Variants in KCND2 observed in about 807,000 individuals in gnomAD.
KCND2 encodes potassium voltage-gated channel subfamily D member 2.
In KCND2, 16 loss-of-function variants were observed where a neutral mutation model predicts 54.4. The ratio of observed to expected loss-of-function variants is 0.29; its 90% CI spans 0.20 to 0.45. KCND2 has a LOEUF of 0.45. Ranked by LOEUF, KCND2 falls within the 20% of genes least tolerant of loss-of-function variation. The probability of loss-of-function intolerance (pLI) is 1.00; values close to 1 mark genes in which losing one functional copy is unlikely to be tolerated. For missense variants in KCND2, 486 were observed against 824.2 expected (o/e 0.59, Z 5.02); for synonymous variants, 317 against 310.7 (o/e 1.02, Z -0.21).
At chr7:120,698,493 T>C (rs1413167674) in intron 1 of KCND2, among the ~76,000 whole-genome samples, 1 of 152,200 alleles carries the variant, frequency 6.6e-6, no homozygotes, top group Non-Finnish European at 1.5e-5. Context: ...ATGATACATA[T>C]AAAACAGTAA....
At chr7:120,470,699 AAC>A (rs1802440615) in intron 1 of KCND2, among the ~76,000 whole-genome samples, 1 of 152,076 alleles carries the variant, frequency 6.6e-6, no homozygotes, top group Non-Finnish European at 1.5e-5. Flanking sequence ...AAGAATTAGT[AAC>A]TATTCTAGAA....
intron 1 of KCND2, among the ~76,000 whole-genome samples, chr7:120,612,353 T>C (rs1457615858): frequency 2.0e-5 from 3 of 152,252 alleles, no homozygotes; most frequent in Admixed American, 2.0e-4. Flanking sequence ...CACAACACTT[T>C]CATTTTATGT....
At chr7:120,410,694 C>A (rs960071237) in intron 1 of KCND2, among the ~76,000 whole-genome samples, 3 of 124,736 alleles carry the variant, frequency 2.4e-5, no homozygotes, top group East Asian at 5.8e-4. Context: ...TCTCCCACCC[C>A]CCTCCCCCTA....
chr7:120,579,047 T>A (rs1273340883), intron 1 of KCND2, among the ~76,000 whole-genome samples: 1 of 152,136 alleles, frequency 6.6e-6, no homozygotes, highest in Admixed American at 6.6e-5. Flanking sequence ...TCAAACACTT[T>A]AATAAGGAAG....
chr7:120,658,897 C>G (rs896191491), intron 1 of KCND2, among the ~76,000 whole-genome samples: 1 of 152,226 alleles, frequency 6.6e-6, no homozygotes, highest in East Asian at 1.9e-4. Flanking sequence ...TGGTCTATAC[C>G]GGCAGAACTG....
chr7:120,578,606 C>T (rs1463935142), intron 1 of KCND2, among the ~76,000 whole-genome samples: 3 of 152,142 alleles, frequency 2.0e-5, no homozygotes, highest in Non-Finnish European at 4.4e-5. Context: ...GTGGTTCACA[C>T]CTGTAATCTC....
rs574803947 is a variant in KCND2 at position 120,435,100 on chromosome 7, T to TTTAC, written c.1115+159356_1115+159357insCTTA. 6.9e-3 allele frequency among the ~76,000 whole-genome samples: 1,052 copies of TTTAC among 151,526 alleles called. 8 individuals carry two copies. The highest frequency in any genetic ancestry group is 0.013 in the South Asian group (61 of 4,798). On this transcript the variant is annotated intron_variant, in intron 1 of 5. Transcript: ENST00000331113. ...AATAACAAACAATAAATTTTATTTA[T>TTTAC]TTATTTATTTATTTATTTATTGAGA...
At chr7:120,677,774 G>T (rs1401859520) in intron 1 of KCND2, among the ~76,000 whole-genome samples, 1 of 151,904 alleles carries the variant, frequency 6.6e-6, no homozygotes, top group Non-Finnish European at 1.5e-5. Flanking sequence ...CTTTCAAAAT[G>T]CTGTTACTTC....
chr7:120,472,902 A>G (rs747447524), intron 1 of KCND2, among the ~76,000 whole-genome samples: 7 of 152,238 alleles, frequency 4.6e-5, no homozygotes, highest in Admixed American at 6.5e-5. Flanking sequence ...ATGAGGGACC[A>G]TGAAGAATTG....
chr7:120,451,018 C>T (rs78175618), intron 1 of KCND2, among the ~76,000 whole-genome samples: 1 of 152,270 alleles, frequency 6.6e-6, no homozygotes, highest in East Asian at 1.9e-4. Context: ...TCCTTCCTTC[C>T]CTTCTCCTAT....
chr7:120,688,688 T>C (rs1415426984), intron 1 of KCND2, among the ~76,000 whole-genome samples: 1 of 152,186 alleles, frequency 6.6e-6, no homozygotes, highest in East Asian at 1.9e-4. Context: ...ACCATGTCTA[T>C]CATCCTCAGT....
rs75086274 is a variant in KCND2, at chr7:120,678,168, C to T, written c.1116-54735C>T. The stretch of plus-strand genomic sequence containing the variant: ...CATCATAATGATTCTTGAACATAAA[C>T]TCTGAGATGGTTAGGGGGTTCTGAC... On this transcript the variant is annotated intron_variant, in intron 1 of 5. Coordinates refer to ENST00000331113, the MANE Select transcript of KCND2 (RefSeq NM_012281.3). Among the ~76,000 whole-genome samples, 1,350 of 150,854 alleles carry T rather than the reference C, an allele frequency of 8.9e-3. 16 individuals carry two copies. The highest frequency in any genetic ancestry group is 0.03 in the African/African-American group (1,229 of 40,614).
chr7:120,349,327 AACACACACACAC>A (rs145626165), intron 1 of KCND2, among the ~76,000 whole-genome samples: 1 of 144,464 alleles, frequency 6.9e-6, no homozygotes, highest in Non-Finnish European at 1.5e-5. Flanking sequence ...CACACACACA[AACACACACACAC>A]ACACACACAC....
At chr7:120,742,960 C>G (rs1297680330) in intron 4 of KCND2, among the ~76,000 whole-genome samples, 2 of 152,042 alleles carry the variant, frequency 1.3e-5, no homozygotes, top group African/African-American at 4.8e-5. Context: ...ATTAATGGTG[C>G]TCGAGGGTCC....
At chr7:120,543,445 T>C (rs1265570358) in intron 1 of KCND2, among the ~76,000 whole-genome samples, 1 of 152,110 alleles carries the variant, frequency 6.6e-6, no homozygotes, top group African/African-American at 2.4e-5. Flanking sequence ...TAGAATGATT[T>C]TCTCTGTCAC....
chr7:120,327,191 A>G (rs986325561), intron 1 of KCND2, among the ~76,000 whole-genome samples: 8 of 152,064 alleles, frequency 5.3e-5, no homozygotes, highest in African/African-American at 1.9e-4. Flanking sequence ...TCTAGAATTA[A>G]GAGTGTGAGT....
At chr7:120,300,943 G>C (rs1021195821) in intron 1 of KCND2, among the ~76,000 whole-genome samples, 1 of 152,028 alleles carries the variant, frequency 6.6e-6, no homozygotes, top group African/African-American at 2.4e-5. Context: ...CAGTTGTAAA[G>C]TATGATTTTT....
chr7:120,735,510 C>T (rs1792859451), intron 2 of KCND2, among the ~76,000 whole-genome samples: 1 of 151,986 alleles, frequency 6.6e-6, no homozygotes, highest in South Asian at 2.1e-4. Context: ...AACCAATTTC[C>T]CAAACACTTG....
chr7:120,299,486 C>T (rs1449744556), intron 1 of KCND2, among the ~76,000 whole-genome samples: 1 of 152,072 alleles, frequency 6.6e-6, no homozygotes, highest in Non-Finnish European at 1.5e-5. Context: ...AGCATAACAT[C>T]TATATAGTTT....
Sources: allele counts gnomAD v4.1 joint callset (sites outside exome capture counted in the v4.1 genomes callset), GRCh38; gene constraint gnomAD v4.1.1; transcripts MANE v1.5; gene names NCBI Gene and HGNC (gene_info 2026-07-23, HGNC 2026-07-21).